Variants in JAM3 observed in about 807,000 individuals in gnomAD.
The protein encoded by JAM3 is junctional adhesion molecule 3, also known as junctional adhesion molecule C.
Under a neutral mutation model 39.4 loss-of-function variants are expected in JAM3, and 31 were observed. The observed-to-expected ratio is 0.79, with a 90% confidence interval of 0.59 to 1.06. JAM3 has a LOEUF of 1.06. Among genes scored for constraint, JAM3 ranks in the 50% least tolerant of loss-of-function variants. The pLI, the probability that JAM3 is intolerant of heterozygous loss-of-function variation, is 0.00. For missense variants in JAM3, 455 were observed against 391.4 expected (o/e 1.16, Z -1.37); for synonymous variants, 182 against 148.7 (o/e 1.22, Z -1.63).
chr11:134,141,344 T>C (rs1339094261), intron 3 of JAM3, among the ~76,000 whole-genome samples: 1 of 151,672 alleles, frequency 6.6e-6, no homozygotes, highest in Non-Finnish European at 1.5e-5. Context: ...GAGGTGGTGA[T>C]CAGGAGAGAA....
chr11:134,107,116 ATG>A (rs1339165420), intron 1 of JAM3, among the ~76,000 whole-genome samples: 1 of 152,228 alleles, frequency 6.6e-6, no homozygotes, highest in Non-Finnish European at 1.5e-5. Context: ...GATTAAGAAA[ATG>A]TGGCACATAT....
intron 1 of JAM3, among the ~76,000 whole-genome samples, chr11:134,134,417 A>C: frequency 6.6e-6 from 1 of 151,448 alleles, no homozygotes; most frequent in Non-Finnish European, 1.5e-5. Flanking sequence ...AAAAAAAAAA[A>C]AAAAACATCT....
intron 1 of JAM3, among the ~76,000 whole-genome samples, chr11:134,072,805 G>T (rs953945471): frequency 3.9e-5 from 6 of 152,298 alleles, no homozygotes; most frequent in Non-Finnish European, 8.8e-5. Context: ...AGCTACTCTG[G>T]AGGCTGAGGC....
chr11:134,091,410 G>A (rs1367478619), intron 1 of JAM3, among the ~76,000 whole-genome samples: 11 of 152,018 alleles, frequency 7.2e-5, no homozygotes, highest in Non-Finnish European at 2.9e-5. Flanking sequence ...CAGGAGAATC[G>A]CTTCCCAGAA....
At chr11:134,094,118 A>G (rs563583909) in intron 1 of JAM3, among the ~76,000 whole-genome samples, 2,048 of 125,950 alleles carry the variant, frequency 0.016, 56 homozygotes, top group African/African-American at 0.061. Flanking sequence ...CTTCTCCTGA[A>G]CCCTCCTTAT....
chr11:134,103,177 C>T lies in JAM3; in HGVS notation c.76+34018C>T, dbSNP rs186403991. 4.5e-3 allele frequency among the ~76,000 whole-genome samples: 683 copies of T among 152,196 alleles called. 2 individuals are homozygous for T. The highest frequency in any genetic ancestry group is 0.015 in the African/African-American group (630 of 41,544). On this transcript the variant is annotated intron_variant, in intron 1 of 8. Coordinates refer to ENST00000299106, the MANE Select transcript of JAM3 (RefSeq NM_032801.5). ...ACAGTGGATTTCTCGGCAGAAACTC[C>T]GCAAACCAGAAGAGAGTGGGGGCCA...
chr11:134,097,786 C>T (rs759731537), intron 1 of JAM3, among the ~76,000 whole-genome samples: 2 of 151,660 alleles, frequency 1.3e-5, no homozygotes, highest in Non-Finnish European at 2.9e-5. Flanking sequence ...TTCTACAGAT[C>T]ATGGAAAGTA....
intron 6 of JAM3, among the ~76,000 whole-genome samples, chr11:134,146,612 G>C (rs1943076960): frequency 6.6e-6 from 1 of 151,980 alleles, no homozygotes; most frequent in Non-Finnish European, 1.5e-5. Flanking sequence ...TTGTTGCCCA[G>C]GCTGGAGTGC....
At chr11:134,122,832 T>C (rs1019988385) in intron 1 of JAM3, among the ~76,000 whole-genome samples, 1 of 152,222 alleles carries the variant, frequency 6.6e-6, no homozygotes, top group African/African-American at 2.4e-5. Context: ...CAGCATTCTC[T>C]GATACTAGAC....
intron 1 of JAM3, among the ~76,000 whole-genome samples, chr11:134,132,221 A>G (rs1331275802): frequency 6.6e-6 from 1 of 152,214 alleles, no homozygotes; most frequent in Non-Finnish European, 1.5e-5. Flanking sequence ...CAAGAAGACT[A>G]TAAGCTGAAT....
rs984124050 is a variant in JAM3 at position 134,151,155 on chromosome 11, G to A, written c.*1974G>A. 2.0e-5 allele frequency: 3 copies of A among 152,268 alleles called. No individual in the cohort carries two copies. The highest frequency in any genetic ancestry group is 4.4e-5 in the Non-Finnish European group (3 of 68,074). 9.4% of individuals were successfully genotyped at this position (152,268 alleles called of 1,614,324 possible). Reference sequence around the variant, plus strand: ...CTCTCACTACTCACCTTGTCTTTCAGCTTCCAGTGTCTTGGGTTTTTTATA... The same window carrying A: ...CTCTCACTACTCACCTTGTCTTTCAACTTCCAGTGTCTTGGGTTTTTTATA... On this transcript the variant is annotated 3_prime_UTR_variant, in exon 9 of 9. Transcript: ENST00000299106.
At chr11:134,142,865 T>C (rs1039111357) in intron 3 of JAM3, among the ~76,000 whole-genome samples, 11 of 152,234 alleles carry the variant, frequency 7.2e-5, no homozygotes, top group African/African-American at 2.4e-5. Flanking sequence ...TGGTCTTCCA[T>C]GGCTGACGTC....
chr11:134,139,824 C>G (rs773198981), intron 1 of JAM3, 27 bp from the exon 2 acceptor site: 2 of 1,595,494 alleles, frequency 1.3e-6, no homozygotes, highest in Non-Finnish European at 1.7e-6. Context: ...TACATTGTCT[C>G]TGATTTTACT....
At position 134,145,132 on chromosome 11, in the gene JAM3, A is replaced by G. The variant is rs1434462083; in HGVS notation, c.612+138A>G. 6.5e-6 allele frequency: 5 copies of G among 764,516 alleles called. No homozygotes were observed. In the African/African-American group the frequency reaches 8.7e-5, roughly 13 times the overall value. 47.4% of individuals were successfully genotyped at this position (764,516 alleles called of 1,614,324 possible). Reference sequence around the variant, plus strand: ...AAAAATCTAGAATGTTAGGGATTCTACAGGAAAAATGACCCTTCTTCCTTT... The same window carrying G: ...AAAAATCTAGAATGTTAGGGATTCTGCAGGAAAAATGACCCTTCTTCCTTT... On this transcript the variant is annotated intron_variant, in intron 5 of 8. Transcript: ENST00000299106.
At chr11:134,104,708 C>T (rs1024499649) in intron 1 of JAM3, among the ~76,000 whole-genome samples, 3 of 152,182 alleles carry the variant, frequency 2.0e-5, no homozygotes, top group African/African-American at 7.2e-5. Context: ...AAACTACCAT[C>T]AGAGAATACT....
rs113142663 is a variant in JAM3, at chr11:134,118,040, T to G, written c.77-21811T>G. 8.0e-3 allele frequency among the ~76,000 whole-genome samples: 1,223 copies of G among 152,312 alleles called. 11 individuals carry two copies. Among genetic ancestry groups the G allele is most frequent in the African/African-American group, 0.028 (1,147 of 41,568 alleles). ...ACCAGAATCTGTAATCACATGCAAA[T>G]AGTGTTTATGGGACTGGGCTCACAC... On this transcript the variant is annotated intron_variant, in intron 1 of 8. Transcript: ENST00000299106.
chr11:134,098,188 T>C (rs1344661802), intron 1 of JAM3, among the ~76,000 whole-genome samples: 1 of 152,202 alleles, frequency 6.6e-6, no homozygotes, highest in Non-Finnish European at 1.5e-5. Flanking sequence ...TTCCTTTTAC[T>C]GTGCATGCAT....
At chr11:134,129,916 C>T (rs890029482) in intron 1 of JAM3, among the ~76,000 whole-genome samples, 14 of 152,004 alleles carry the variant, frequency 9.2e-5, no homozygotes, top group African/African-American at 2.2e-4. Flanking sequence ...GCAGGAGAAT[C>T]GCTTAAACAT....
chr11:134,090,302 T>C (rs370651791), intron 1 of JAM3, among the ~76,000 whole-genome samples: 2 of 152,386 alleles, frequency 1.3e-5, no homozygotes. Context: ...AGAAGCTCTT[T>C]AGTTTAATTA....
Sources: gnomAD v4.1 joint callset for allele counts (sites outside exome capture counted in the v4.1 genomes callset) on GRCh38, gnomAD v4.1.1 for gene constraint, MANE v1.5 for transcripts, NCBI Gene and HGNC (gene_info 2026-07-23, HGNC 2026-07-21) for gene names.